DENND2B: variants seen among roughly 807,000 people sequenced by gnomAD.
The protein encoded by DENND2B is DENN domain-containing protein 2B.
DENND2B carries 32 observed loss-of-function variants against 116.0 expected under a neutral mutation model. The observed-to-expected ratio is 0.28, with a 90% confidence interval of 0.21 to 0.37. The LOEUF (loss-of-function observed/expected upper bound fraction) is 0.37, where lower values mean the gene tolerates loss of function less well. Ranked by LOEUF, DENND2B falls within the 10% of genes least tolerant of loss-of-function variation. The pLI, the probability that DENND2B is intolerant of heterozygous loss-of-function variation, is 1.00. For synonymous variants in DENND2B, 588 were observed against 583.9 expected (o/e 1.01, Z -0.10); for missense variants, 1,276 against 1,477.7 (o/e 0.86, Z 2.24).
At chr11:8,718,170 C>T in intron 4 of DENND2B, 2 of 521,592 alleles carry the variant, frequency 3.8e-6, no homozygotes, top group South Asian at 3.3e-5. Context: ...TCAGGGATTG[C>T]ACAAGACTGG....
chr11:8,760,984 G>A (rs1429347008), intron 1 of DENND2B, among the ~76,000 whole-genome samples: 3 of 152,006 alleles, frequency 2.0e-5, no homozygotes, highest in Non-Finnish European at 4.4e-5. Flanking sequence ...TCTCTTCACT[G>A]TCCACTTATC....
chr11:8,721,830 C>T (rs1243167486), intron 4 of DENND2B, among the ~76,000 whole-genome samples: 1 of 152,246 alleles, frequency 6.6e-6, no homozygotes, highest in Non-Finnish European at 1.5e-5. Context: ...AAAGACTTTG[C>T]AGTCCAGGCT....
intron 1 of DENND2B, among the ~76,000 whole-genome samples, chr11:8,887,580 C>G: frequency 6.6e-6 from 1 of 152,070 alleles, no homozygotes; most frequent in East Asian, 1.9e-4. Context: ...CTACTCAGCC[C>G]TTCCATACCT....
chr11:8,822,339 GTGTA>G (rs1311157729), intron 4 of DENND2B, among the ~76,000 whole-genome samples: 1 of 152,166 alleles, frequency 6.6e-6, no homozygotes, highest in Non-Finnish European at 1.5e-5. Flanking sequence ...TTACCATTTT[GTGTA>G]TGTGGTGGGG....
chr11:8,774,224 C>T (rs1411422445), intron 1 of DENND2B: 7 of 985,352 alleles, frequency 7.1e-6, no homozygotes, highest in Non-Finnish European at 8.4e-6. Flanking sequence ...TACCTCCACC[C>T]TTCAGCCCTA....
intron 3 of DENND2B, among the ~76,000 whole-genome samples, chr11:8,844,271 C>T (rs2062726788): frequency 6.6e-6 from 1 of 152,022 alleles, no homozygotes; most frequent in Non-Finnish European, 1.5e-5. Context: ...TGTGGTGGTG[C>T]ATGCCTACAG....
intron 13 of DENND2B, 130 bp downstream of exon 13, chr11:8,706,955 G>A (rs2133763439): frequency 1.7e-6 from 2 of 1,182,740 alleles, no homozygotes; most frequent in South Asian, 1.7e-5. Context: ...CCCTAGTGAT[G>A]GGGTACACAG....
At chr11:8,819,398 CAA>C (rs941548429) in intron 4 of DENND2B, among the ~76,000 whole-genome samples, 2 of 139,100 alleles carry the variant, frequency 1.4e-5, no homozygotes, top group African/African-American at 2.6e-5. Context: ...GACCTTGTCT[CAA>C]AAAAAAAAAA....
intron 1 of DENND2B, among the ~76,000 whole-genome samples, chr11:8,887,042 G>A (rs1276082223): frequency 1.3e-5 from 2 of 152,096 alleles, no homozygotes; most frequent in African/African-American, 4.8e-5. Flanking sequence ...TGGTCAGGCT[G>A]GTTTTGAACT....
Position 8,698,983 on chromosome 11 carries a change from A to G in DENND2B, c.2899-9T>C. 6.2e-7 allele frequency: 1 copy of G among 1,614,110 alleles called. No homozygotes were observed. Among genetic ancestry groups the G allele is most frequent in the African/African-American group, 1.3e-5 (1 of 75,052 alleles). ...AGATTCACCATCAGCGCCTGAGAAA[A>G]GGAGTCATTAGCAGAGTGGCTCAGG... On this transcript the variant is annotated splice_polypyrimidine_tract_variant and intron_variant, in intron 15 of 19. Coordinates refer to ENST00000313726, the MANE Select transcript of DENND2B (RefSeq NM_213618.2).
intron 17 of DENND2B, 65 bp downstream of exon 17, chr11:8,697,460 G>C (rs1300683251): frequency 7.6e-7 from 1 of 1,312,308 alleles, no homozygotes; most frequent in African/African-American, 1.5e-5. Context: ...CTGGCCCTAT[G>C]GGGCCCTGAC....
At chr11:8,763,964 C>T (rs1418649445) in intron 1 of DENND2B, among the ~76,000 whole-genome samples, 1 of 152,128 alleles carries the variant, frequency 6.6e-6, no homozygotes. Context: ...TGGCTCAAGC[C>T]TGGAATCCCA....
In DENND2B at chr11:8,805,974, C is replaced by T. The variant is rs187959790; in HGVS notation, c.-26+4543G>A. Among the ~76,000 whole-genome samples the T allele has an allele frequency of 1.4e-3, 219 of 152,296 alleles. 1 individual carries two copies. Among genetic ancestry groups the T allele is most frequent in the Non-Finnish European group, 2.2e-3 (149 of 68,024 alleles). On this transcript the variant is annotated intron_variant, in intron 1 of 19. Transcript: ENST00000313726. The stretch of plus-strand genomic sequence containing the variant: ...ACCCTAATGCCAGCCACCCCTACCC[C>T]CTCCAGTGCTTCTGAGGGCCTGCAC...
At chr11:8,831,261 T>C (rs763701527) in intron 4 of DENND2B, among the ~76,000 whole-genome samples, 2 of 152,146 alleles carry the variant, frequency 1.3e-5, no homozygotes, top group Non-Finnish European at 2.9e-5. Context: ...TGGGGAGGAT[T>C]GTCAGGAGAT....
chr11:8,841,322 GAAACAAAC>G (rs957013833), intron 3 of DENND2B, among the ~76,000 whole-genome samples: 5 of 151,952 alleles, frequency 3.3e-5, no homozygotes, highest in Admixed American at 6.6e-5. Context: ...TCCAAATTAA[GAAACAAAC>G]AAACAAACAA....
At chr11:8,752,412 A>G (rs2052693484) in intron 1 of DENND2B, among the ~76,000 whole-genome samples, 1 of 151,910 alleles carries the variant, frequency 6.6e-6, no homozygotes, top group Admixed American at 6.6e-5. Flanking sequence ...AGATTGCACC[A>G]CTGCACTCCA....
intron 3 of DENND2B, among the ~76,000 whole-genome samples, chr11:8,840,024 C>T (rs1277751258): frequency 6.6e-6 from 1 of 151,898 alleles, no homozygotes; most frequent in African/African-American, 2.4e-5. Flanking sequence ...AGCTCTTCCC[C>T]AGGTGGAAAA....
chr11:8,709,344 G>A (rs547787113), intron 11 of DENND2B, among the ~76,000 whole-genome samples: 4 of 152,242 alleles, frequency 2.6e-5, no homozygotes, highest in East Asian at 3.9e-4. Flanking sequence ...CAGGAATGCC[G>A]AGCTAGTGCC....
intron 11 of DENND2B, 72 bp downstream of exon 11, chr11:8,710,773 A>G: frequency 2.3e-6 from 3 of 1,331,992 alleles, no homozygotes; most frequent in South Asian, 2.4e-5. Context: ...ACACACACAC[A>G]CACACACACA....
Sources: allele counts gnomAD v4.1 joint callset (sites outside exome capture counted in the v4.1 genomes callset), GRCh38; gene constraint gnomAD v4.1.1; transcripts MANE v1.5; gene names NCBI Gene and HGNC (gene_info 2026-07-23, HGNC 2026-07-21).